The following NCKAP5 variants were observed in gnomAD, a reference collection of about 807,000 sequenced individuals.
The protein encoded by NCKAP5 is NCK associated protein 5.
A neutral mutation model predicts 167.0 loss-of-function variants in NCKAP5; 92 were observed. The ratio of observed to expected loss-of-function variants is 0.55; its 90% CI spans 0.47 to 0.66. The LOEUF is 0.66. NCKAP5 is among the 30% of genes least tolerant of loss of function. The pLI, the probability that NCKAP5 is intolerant of heterozygous loss-of-function variation, is 0.00. For synonymous variants in NCKAP5, 891 were observed against 877.4 expected (o/e 1.02, Z -0.27); for missense variants, 2,378 against 2,315.0 (o/e 1.03, Z -0.56).
At chr2:133,082,535 C>G (rs1437905) in intron 6 of NCKAP5, among the ~76,000 whole-genome samples, 166 of 152,244 alleles carry the variant, frequency 1.1e-3, no homozygotes, top group Non-Finnish European at 1.3e-3. Flanking sequence ...TGACCTGGGA[C>G]CTCCTTCCTG....
At chr2:133,626,409 TA>T in the NCKAP5 span, among the ~76,000 whole-genome samples, 1 of 152,116 alleles carries the variant, frequency 6.6e-6, no homozygotes, top group African/African-American at 2.4e-5. Flanking sequence ...ATCTAGACTG[TA>T]AAAAACTTTA....
chr2:133,476,270 A>C (rs1679878955), intron 3 of NCKAP5, among the ~76,000 whole-genome samples: 1 of 152,234 alleles, frequency 6.6e-6, no homozygotes, highest in Admixed American at 6.5e-5. Flanking sequence ...TGTGCAATGC[A>C]AAGTCAGGTT....
At chr2:132,852,787 C>T (rs948631412) in intron 11 of NCKAP5, among the ~76,000 whole-genome samples, 2 of 152,208 alleles carry the variant, frequency 1.3e-5, no homozygotes, top group Admixed American at 1.3e-4. Context: ...GCTGTGACCA[C>T]ACCCTAGAAG....
At chr2:133,245,309 G>A (rs140889517) in intron 4 of NCKAP5, among the ~76,000 whole-genome samples, 98 of 152,140 alleles carry the variant, frequency 6.4e-4, no homozygotes, top group African/African-American at 2.2e-3. Flanking sequence ...AAGTGTTTAC[G>A]ACTACTTGCA....
the NCKAP5 span, among the ~76,000 whole-genome samples, chr2:133,578,697 A>G: frequency 6.6e-6 from 1 of 152,126 alleles, no homozygotes; most frequent in Non-Finnish European, 1.5e-5. Flanking sequence ...CCTCCCTCCC[A>G]TGGATGTCTC....
chr2:133,260,174 T>C (rs769919521), intron 4 of NCKAP5, among the ~76,000 whole-genome samples: 1 of 152,232 alleles, frequency 6.6e-6, no homozygotes, highest in Admixed American at 6.5e-5. Context: ...TGACTTTCTG[T>C]TGCCAAATGT....
intron 15 of NCKAP5, among the ~76,000 whole-genome samples, chr2:132,776,462 C>T (rs1682556194): frequency 6.6e-6 from 1 of 152,166 alleles, no homozygotes; most frequent in South Asian, 2.1e-4. Context: ...CTAAATGTGG[C>T]CTCTGGGGAC....
At chr2:133,012,654 T>A (rs1234268697) in intron 6 of NCKAP5, among the ~76,000 whole-genome samples, 3 of 152,140 alleles carry the variant, frequency 2.0e-5, no homozygotes, top group African/African-American at 7.2e-5. Flanking sequence ...TTGCTCTCCC[T>A]TGCCTCCATG....
intron 6 of NCKAP5, among the ~76,000 whole-genome samples, chr2:133,107,440 G>A (rs756098213): frequency 5.9e-5 from 9 of 152,190 alleles, no homozygotes; most frequent in Non-Finnish European, 1.3e-4. Flanking sequence ...CTATTTAAAG[G>A]AGACTTGCAA....
At chr2:133,165,975 G>A (rs1172627016) in intron 5 of NCKAP5, among the ~76,000 whole-genome samples, 1 of 152,126 alleles carries the variant, frequency 6.6e-6, no homozygotes, top group Non-Finnish European at 1.5e-5. Context: ...TGTGTTCCAT[G>A]TTTGGTGCTT....
intron 4 of NCKAP5, among the ~76,000 whole-genome samples, chr2:133,226,474 C>T (rs1216680122): frequency 6.6e-6 from 1 of 151,918 alleles, no homozygotes; most frequent in Admixed American, 6.6e-5. Flanking sequence ...AAGTCCTAAC[C>T]CCCAGTACTA....
intron 4 of NCKAP5, among the ~76,000 whole-genome samples, chr2:133,284,442 T>C (rs1311043723): frequency 1.3e-5 from 2 of 152,184 alleles, no homozygotes; most frequent in South Asian, 4.1e-4. Context: ...GTGTGGGTCA[T>C]GTTATGCATG....
chr2:133,652,836 A>G, the NCKAP5 span, among the ~76,000 whole-genome samples: 1 of 152,064 alleles, frequency 6.6e-6, no homozygotes, highest in East Asian at 1.9e-4. Flanking sequence ...GATGATCTAC[A>G]CTCAATTCTC....
At chr2:133,070,404 A>G in intron 6 of NCKAP5, among the ~76,000 whole-genome samples, 1 of 152,112 alleles carries the variant, frequency 6.6e-6, no homozygotes, top group Non-Finnish European at 1.5e-5. Context: ...AGGAGCCTCA[A>G]TACCTGCTCC....
In NCKAP5 at chr2:133,006,512, CAG is replaced by C. The variant is rs1444970276; in HGVS notation, c.342-12275_342-12274del. On this transcript the variant is annotated intron_variant, in intron 6 of 19. Coordinates refer to ENST00000409261, the MANE Select transcript of NCKAP5 (RefSeq NM_207363.3). Reference sequence around the variant, plus strand: ...TCAAGATCTGTATGGGAGTTTGACTCAGAGAAAATTAAGAATTGAATGACTTG... The same window carrying C: ...TCAAGATCTGTATGGGAGTTTGACTCAGAAAATTAAGAATTGAATGACTTG... Among the ~76,000 whole-genome samples, 4 of 152,060 alleles carry C rather than the reference CAG, an allele frequency of 2.6e-5. No homozygotes were observed. In the East Asian group the frequency reaches 7.8e-4, roughly 30 times the overall value.
At chr2:132,996,903 T>G (rs2077619385) in intron 6 of NCKAP5, among the ~76,000 whole-genome samples, 1 of 152,216 alleles carries the variant, frequency 6.6e-6, no homozygotes, top group Non-Finnish European at 1.5e-5. Flanking sequence ...AAGCCTGAAC[T>G]CAATGCCCTG....
intron 4 of NCKAP5, among the ~76,000 whole-genome samples, chr2:133,265,582 G>A (rs1268033931): frequency 6.6e-6 from 1 of 152,220 alleles, no homozygotes; most frequent in Non-Finnish European, 1.5e-5. Flanking sequence ...GTTGCCAGTA[G>A]CAACAGGGCA....
intron 3 of NCKAP5, among the ~76,000 whole-genome samples, chr2:133,415,726 T>A (rs552657961): frequency 6.6e-6 from 1 of 152,366 alleles, no homozygotes; most frequent in South Asian, 2.1e-4. Context: ...GCTATTTTTA[T>A]TTCTTATTCA....
Position 133,102,744 on chromosome 2 carries a change from AACACACACACACAC to A in NCKAP5, c.341+27220_341+27233del, listed in dbSNP as rs3051212. ...AACTGACAGGTTAGACAAGCATGTA[AACACACACACACAC>A]ACACACACACACACACACACACACA... On this transcript the variant is annotated intron_variant, in intron 6 of 19. Transcript: ENST00000409261. Among the ~76,000 whole-genome samples the A allele has an allele frequency of 7.6e-3, 1,028 of 135,214 alleles. 31 individuals are homozygous for A. Among genetic ancestry groups the A allele is most frequent in the Admixed American group, 0.065 (870 of 13,332 alleles). The allele number at this position is 135,214 out of a possible 152,430, so 88.7% of individuals were successfully genotyped here. A position where few individuals can be genotyped will look rare whatever the true frequency, so the allele number is the denominator to read the frequency against.
Sources: allele counts gnomAD v4.1 joint callset (sites outside exome capture counted in the v4.1 genomes callset), GRCh38; gene constraint gnomAD v4.1.1; transcripts MANE v1.5; gene names NCBI Gene and HGNC (gene_info 2026-07-23, HGNC 2026-07-21).